The following ZAR1 variants were observed in gnomAD, a reference collection of about 807,000 sequenced individuals.
The protein encoded by ZAR1 is zygote arrest protein 1.
A neutral mutation model predicts 38.3 loss-of-function variants in ZAR1; 37 were observed. The ratio of observed to expected loss-of-function variants is 0.97; its 90% CI spans 0.74 to 1.27. The LOEUF is 1.27. ZAR1 is among the 50% of genes most tolerant of loss of function. The pLI is 0.00. For missense variants in ZAR1, 651 were observed against 632.4 expected (o/e 1.03, Z -0.32); for synonymous variants, 336 against 292.0 (o/e 1.15, Z -1.53).
rs1174317546 is a variant in ZAR1, at chr4:48,492,804, C to G, written c.1002C>G (p.Asp334Glu). Residue 334 changes from aspartate to glutamate, a missense_variant, in exon 2 of 4, where the codon GAC (aspartate) becomes GAG (glutamate). This residue lies in a region of ZAR1 where 129 missense variants were observed against 172.5 expected (regional missense o/e 0.75). Transcript: ENST00000327939. Reference protein sequence around the residue: ...EQKYGYYHCKDCNIRWESAYV... With the variant: ...EQKYGYYHCKECNIRWESAYV... ...AATATGGCTATTACCACTGCAAGGA[C>G]TGCAACATCCGCTGGGAGAGTGCTT... 51 of 1,614,086 alleles carry G rather than the reference C, an allele frequency of 3.2e-5. No homozygotes were observed. The highest frequency in any genetic ancestry group is 4.2e-5 in the Non-Finnish European group (50 of 1,180,042).
chr4:48,494,069 T>C (rs1428737522), intron 3 of ZAR1, 32 bp from the exon 4 acceptor site: 3 of 1,603,512 alleles, frequency 1.9e-6, no homozygotes, highest in Non-Finnish European at 2.6e-6. Flanking sequence ...GGGTTTATCT[T>C]CTGCATGCCC....
At position 48,494,305 on chromosome 4, in the gene ZAR1, TCTC is replaced by T. The variant is rs1238888709; in HGVS notation, c.*66_*68del. 4 of 1,588,390 alleles carry T rather than the reference TCTC, an allele frequency of 2.5e-6. No individual in the cohort carries two copies. The highest frequency in any genetic ancestry group is 4.5e-5 in the East Asian group (2 of 44,394). ...GTAGACGAGTGAGCTTTTCCGTGCC[TCTC>T]CTCCACCTCTCCCTTCTCAAAATAC... On this transcript the variant is annotated 3_prime_UTR_variant, in exon 4 of 4. Transcript: ENST00000327939.
chr4:48,493,055 C>G (rs1204621613), intron 3 of ZAR1, 43 bp downstream of exon 3: 1 of 1,592,696 alleles, frequency 6.3e-7, no homozygotes. Flanking sequence ...GGGCAGTCGT[C>G]GAGGGTTTTT....
rs1560482407 is a variant in ZAR1, at chr4:48,490,994, C to T, written c.703C>T (p.Arg235Trp). The T allele has an allele frequency of 7.4e-6, 10 of 1,355,656 alleles. No homozygotes were observed. Among genetic ancestry groups the T allele is most frequent in the African/African-American group, 3.1e-5 (2 of 65,262 alleles). 84.0% of individuals were successfully genotyped at this position (1,355,656 alleles called of 1,614,324 possible). A position where few individuals can be genotyped will look rare whatever the true frequency, so the allele number is the denominator to read the frequency against. ...GGAGGTGTGGACGAAGAAGGCGCCC[C>T]GGCGGCCGCAGTCCGACGACGACGG... ...EGEVWTKKAP[R>W]RPQSDDDGEA... The change falls in exon 1 of 4, where the codon CGG (arginine) becomes TGG (tryptophan). Residue 235 changes from arginine (R) to tryptophan (W), a missense_variant. Physicochemically the swap from Arg to Trp is moderately radical, Grantham distance 101. This residue lies in a region of ZAR1 where 522 missense variants were observed against 459.9 expected (regional missense o/e 1.14). Coordinates refer to ENST00000327939, the MANE Select transcript of ZAR1 (RefSeq NM_175619.3).
downstream of ZAR1, among the ~76,000 whole-genome samples, chr4:48,496,397 ATG>A (rs943269103): frequency 3.4e-5 from 5 of 146,204 alleles, no homozygotes; most frequent in African/African-American, 1.3e-4. Context: ...TGCTCAATGA[ATG>A]AGTGAATTAC....
downstream of ZAR1, among the ~76,000 whole-genome samples, chr4:48,495,118 G>A (rs1485873617): frequency 6.6e-6 from 1 of 151,922 alleles, no homozygotes; most frequent in Non-Finnish European, 1.5e-5. Context: ...CTGACTTAGT[G>A]CTAGTCGGGA....
intron 1 of ZAR1, among the ~76,000 whole-genome samples, chr4:48,491,574 T>G (rs1204927566): frequency 6.6e-6 from 1 of 152,170 alleles, no homozygotes; most frequent in Non-Finnish European, 1.5e-5. Flanking sequence ...GACCGCACGG[T>G]TGGATTACCT....
At chr4:48,492,668 GT>G (rs1426104526) in intron 1 of ZAR1, 97 bp from the exon 2 acceptor site, 13 of 1,188,896 alleles carry the variant, frequency 1.1e-5, no homozygotes, top group African/African-American at 1.5e-5. Flanking sequence ...ATGATCTGAA[GT>G]TGCCAATTTC....
At position 48,492,986 on chromosome 4, in the gene ZAR1, T is replaced by TA; in HGVS notation, c.1106dup (p.Tyr369Ter). 6.2e-7 allele frequency: 1 copy of TA among 1,614,236 alleles called. No individual in the cohort carries two copies. Among genetic ancestry groups the TA allele is most frequent in the Non-Finnish European group, 8.5e-7 (1 of 1,180,026 alleles). The change falls in exon 3 of 4, where the codon TAC becomes TAAC. Residue 369 changes from tyrosine to a stop codon, truncating the protein, a stop_gained and frameshift_variant. Coordinates refer to ENST00000327939, the MANE Select transcript of ZAR1 (RefSeq NM_175619.3). LOFTEE classifies it high-confidence loss of function. ...AACTTGTCAGAAGTCTTATAACCCTTACCGAGTGGAGGATATCACCTGTCA... is the reference window on the plus strand; with the variant it reads ...AACTTGTCAGAAGTCTTATAACCCTTAACCGAGTGGAGGATATCACCTGTCA... ...CRTCQKSYNP[Y>*]RVEDITCQSC...
chr4:48,490,784 C>A lies in ZAR1; in HGVS notation c.493C>A (p.Pro165Thr). Residue 165 changes from proline (P) to threonine (T), a missense_variant, in exon 1 of 4, where the codon CCC becomes ACC. Transcript: ENST00000327939. ...PSRRGLEQGS[P>T]QNGAPRPMRF... ...CCGTCGAGGCCTGGAGCAGGGCAGC[C>A]CCCAGAACGGCGCCCCGCGGCCCAT... The A allele has an allele frequency of 1.3e-6, 2 of 1,503,136 alleles. No homozygotes were observed. The highest frequency in any genetic ancestry group is 8.8e-7 in the Non-Finnish European group (1 of 1,133,536). The allele number at this position is 1,503,136 out of a possible 1,614,324, so 93.1% of individuals were successfully genotyped here. A position where few individuals can be genotyped will look rare whatever the true frequency, so the allele number is the denominator to read the frequency against.
downstream of ZAR1, among the ~76,000 whole-genome samples, chr4:48,494,664 T>TG (rs1367785254): frequency 3.3e-5 from 5 of 150,470 alleles, no homozygotes; most frequent in African/African-American, 7.4e-5. Context: ...CACTCCAGCC[T>TG]GGGTGACAGA....
At position 48,490,997 on chromosome 4, in the gene ZAR1, C is replaced by T. The variant is rs1177622340; in HGVS notation, c.706C>T (p.Arg236Trp). 4.4e-6 allele frequency: 6 copies of T among 1,355,978 alleles called. No homozygotes were observed. In the South Asian group the frequency reaches 5.3e-5, roughly 12 times the overall value. The allele number at this position is 1,355,978 out of a possible 1,614,324, so 84.0% of individuals were successfully genotyped here. ...GEVWTKKAPRRPQSDDDGEAQ... is the reference protein window; with the variant it reads ...GEVWTKKAPRWPQSDDDGEAQ... Reference sequence around the variant, plus strand: ...GGTGTGGACGAAGAAGGCGCCCCGGCGGCCGCAGTCCGACGACGACGGCGA... The same window carrying T: ...GGTGTGGACGAAGAAGGCGCCCCGGTGGCCGCAGTCCGACGACGACGGCGA... The change falls in exon 1 of 4, where the codon CGG (arginine) becomes TGG (tryptophan). Residue 236 changes from arginine to tryptophan, a missense_variant. Physicochemically the swap from Arg to Trp is moderately radical, Grantham distance 101. This residue lies in a region of ZAR1 where 522 missense variants were observed against 459.9 expected (regional missense o/e 1.14). Coordinates refer to ENST00000327939, the MANE Select transcript of ZAR1 (RefSeq NM_175619.3).
At chr4:48,497,021 C>T (rs778660511), downstream of ZAR1, among the ~76,000 whole-genome samples, 3 of 151,982 alleles carry the variant, frequency 2.0e-5, no homozygotes, top group Non-Finnish European at 4.4e-5. Context: ...TTTGCCACAC[C>T]CTCTATTTTA....
rs2148673531 is a variant in ZAR1, at chr4:48,490,641, C to T, written c.350C>T (p.Ala117Val). 2 of 1,347,396 alleles carry T rather than the reference C, an allele frequency of 1.5e-6. No individual in the cohort carries two copies. Among genetic ancestry groups the T allele is most frequent in the Non-Finnish European group, 1.9e-6 (2 of 1,057,610 alleles). The allele number at this position is 1,347,396 out of a possible 1,614,324, so 83.5% of individuals were successfully genotyped here. ...CAGGTGAGCCCGCGCATCGACGCCG[C>T]GGTACAGTGCTCGCTGGGGAGGCGC... is the stretch of plus-strand genomic sequence containing the variant. The part of the protein sequence containing the change: ...AVQVSPRIDA[A>V]VQCSLGRRTL... Residue 117 changes from alanine to valine, a missense_variant, in exon 1 of 4, where the codon GCG becomes GTG. This residue lies in a region of ZAR1 where 522 missense variants were observed against 459.9 expected (regional missense o/e 1.14). Transcript: ENST00000327939.
downstream of ZAR1, among the ~76,000 whole-genome samples, chr4:48,496,490 G>C (rs1247437215): frequency 6.6e-6 from 1 of 152,116 alleles, no homozygotes; most frequent in Non-Finnish European, 1.5e-5. Context: ...AATATTGCTT[G>C]CCATTAATTT....
Position 48,490,943 on chromosome 4 carries a change from G to A in ZAR1, c.652G>A (p.Ala218Thr), listed in dbSNP as rs905508301. The stretch of plus-strand genomic sequence containing the variant: ...GGACGGAGAGAGGGGGCCGCCGCCC[G>A]CGCGGCTTCAAGGCCCAGAGGAGGG... ...ASDGERGPPP[A>T]RLQGPEEGEV... The change falls in exon 1 of 4, where the codon GCG (alanine) becomes ACG (threonine). Residue 218 changes from alanine (A) to threonine (T), a missense_variant. Ala to Thr is a moderately conservative substitution (Grantham distance 58, BLOSUM62 0). Coordinates refer to ENST00000327939, the MANE Select transcript of ZAR1 (RefSeq NM_175619.3). The A allele has an allele frequency of 8.2e-6, 11 of 1,341,690 alleles. No homozygotes were observed. In the African/African-American group the frequency reaches 1.5e-4, roughly 19 times the overall value. 83.1% of individuals were successfully genotyped at this position (1,341,690 alleles called of 1,614,324 possible).
chr4:48,492,692 G>C, intron 1 of ZAR1, 74 bp from the exon 2 acceptor site: 3 of 1,458,714 alleles, frequency 2.1e-6, no homozygotes, highest in Non-Finnish European at 2.9e-6. Flanking sequence ...ATATCAAGTA[G>C]ATCCTTCCCA....
chr4:48,493,417 C>T (rs1304793618), intron 3 of ZAR1, among the ~76,000 whole-genome samples: 1 of 152,148 alleles, frequency 6.6e-6, no homozygotes, highest in African/African-American at 2.4e-5. Context: ...GTTTGTCTTG[C>T]CTGAAAGCTC....
chr4:48,491,211 C>A lies in ZAR1; in HGVS notation c.920C>A (p.Ser307Ter), dbSNP rs1179919897. The A allele has an allele frequency of 3.2e-6, 4 of 1,233,770 alleles. No individual in the cohort carries two copies. Among genetic ancestry groups the A allele is most frequent in the Non-Finnish European group, 4.0e-6 (4 of 989,146 alleles). 76.4% of individuals were successfully genotyped at this position (1,233,770 alleles called of 1,614,324 possible). ...REAAVAGEGPSPRSPELGKER... is the reference protein window; with the variant it reads ...REAAVAGEGP ...GCGGCCGTCGCGGGAGAGGGGCCGTCGCCACGGAGCCCGGAGCTGGGCAAG... is the reference window on the plus strand; with the variant it reads ...GCGGCCGTCGCGGGAGAGGGGCCGTAGCCACGGAGCCCGGAGCTGGGCAAG... Residue 307 changes from serine (S) to a stop codon, truncating the protein, a stop_gained, in exon 1 of 4, where the codon TCG (serine) becomes TAG (stop). Coordinates refer to ENST00000327939, the MANE Select transcript of ZAR1 (RefSeq NM_175619.3). LOFTEE classifies it high-confidence loss of function.
Sources: allele counts gnomAD v4.1 joint callset (sites outside exome capture counted in the v4.1 genomes callset), GRCh38; gene constraint gnomAD v4.1.1; regional missense constraint gnomAD v4.1.1; transcripts MANE v1.5; gene names NCBI Gene and HGNC (gene_info 2026-07-23, HGNC 2026-07-21).